The following CNNM2 variants were observed in gnomAD, a reference collection of about 807,000 sequenced individuals.
CNNM2 encodes cyclin and CBS domain divalent metal cation transport mediator 2, also known as metal transporter CNNM2.
A neutral mutation model predicts 66.9 loss-of-function variants in CNNM2; 12 were observed. That is an observed-to-expected ratio of 0.18 (90% CI 0.11 to 0.29). The LOEUF is 0.29. CNNM2 is among the 10% of genes least tolerant of loss of function. CNNM2 has a pLI of 1.00. For synonymous variants in CNNM2, 557 were observed against 501.8 expected (o/e 1.11, Z -1.47); for missense variants, 705 against 1,167.7 (o/e 0.60, Z 5.77).
At chr10:102,956,454 G>T (rs1054127256) in intron 1 of CNNM2, among the ~76,000 whole-genome samples, 1 of 152,122 alleles carries the variant, frequency 6.6e-6, no homozygotes, top group Admixed American at 6.6e-5. Flanking sequence ...GTTTGACCCA[G>T]CAATCCCATT....
chr10:102,981,273 C>T (rs1157716294), intron 1 of CNNM2, among the ~76,000 whole-genome samples: 1 of 151,992 alleles, frequency 6.6e-6, no homozygotes, highest in Non-Finnish European at 1.5e-5. Context: ...TCACCTGAGT[C>T]CGGGAGGTTG....
At chr10:102,962,240 G>C (rs7908629) in intron 1 of CNNM2, among the ~76,000 whole-genome samples, 2,328 of 152,208 alleles carry the variant, frequency 0.015, 53 homozygotes, top group African/African-American at 0.054. Context: ...TAAGGTGATG[G>C]GTTGATTTGT....
At chr10:103,013,750 G>A (rs958652886) in intron 1 of CNNM2, among the ~76,000 whole-genome samples, 1 of 152,200 alleles carries the variant, frequency 6.6e-6, no homozygotes, top group Admixed American at 6.5e-5. Flanking sequence ...AAATAAAAAG[G>A]GTGCCTAGAT....
intron 1 of CNNM2, among the ~76,000 whole-genome samples, chr10:102,937,733 CAGAT>C (rs1032131087): frequency 6.6e-6 from 1 of 152,082 alleles, no homozygotes; most frequent in Admixed American, 6.6e-5. Flanking sequence ...TATTCTCAGA[CAGAT>C]AAACAGATGT....
At chr10:102,960,743 C>T in intron 1 of CNNM2, among the ~76,000 whole-genome samples, 1 of 151,190 alleles carries the variant, frequency 6.6e-6, no homozygotes, top group East Asian at 1.9e-4. Flanking sequence ...CCTCAGCCTC[C>T]CGAGTAGCTG....
chr10:102,970,561 T>C (rs1156348127), intron 1 of CNNM2, among the ~76,000 whole-genome samples: 1 of 152,160 alleles, frequency 6.6e-6, no homozygotes, highest in African/African-American at 2.4e-5. Context: ...TGTTGCCTAT[T>C]CTCAGAAAAA....
chr10:103,058,874 A>G (rs1359207415), intron 4 of CNNM2, among the ~76,000 whole-genome samples: 3 of 152,240 alleles, frequency 2.0e-5, no homozygotes, highest in African/African-American at 7.2e-5. Context: ...ATCATTAACA[A>G]AGCATATTCT....
chr10:102,993,352 G>T (rs1218214544), intron 1 of CNNM2, among the ~76,000 whole-genome samples: 1 of 152,142 alleles, frequency 6.6e-6, no homozygotes, highest in Non-Finnish European at 1.5e-5. Context: ...CTGAATTTTT[G>T]TGGGAAGAAG....
At chr10:103,026,305 A>C (rs891624478) in intron 1 of CNNM2, among the ~76,000 whole-genome samples, 3 of 152,220 alleles carry the variant, frequency 2.0e-5, no homozygotes, top group Admixed American at 2.0e-4. Context: ...CAAATGTCAT[A>C]AATATTTTTG....
At chr10:102,920,300 G>A (rs1294259203) in intron 1 of CNNM2, among the ~76,000 whole-genome samples, 199 bp downstream of exon 1, 5 of 152,162 alleles carry the variant, frequency 3.3e-5, no homozygotes, top group Non-Finnish European at 5.9e-5. Flanking sequence ...TTATTTTAAA[G>A]CACAAGACTG....
rs1489335944 is a variant in CNNM2 at position 102,990,551 on chromosome 10, G to A, written c.1622-59156G>A. Among the ~76,000 whole-genome samples the A allele has an allele frequency of 2.0e-5, 3 of 152,124 alleles. No individual in the cohort carries two copies. The East Asian group carries it at 5.8e-4, about 29-fold the overall frequency. ...TAGTGTAGTTCCCAATAGGCATTAA[G>A]TAGGAGAATTCTAACTTTAAGCTAT... On this transcript the variant is annotated intron_variant, in intron 1 of 7. Transcript: ENST00000369878.
Position 103,049,735 on chromosome 10 carries a change from G to T in CNNM2, c.1650G>T (p.Arg550=). ...AATCTCACCTGGCTATCGTGCAGCG[G>T]GTAAACAATGAGGGAGAAGGGGATC... is the stretch of plus-strand genomic sequence containing the variant. ...KGKSHLAIVQ[R]VNNEGEGDPF... The change falls in exon 2 of 8, where the codon CGG becomes CGT. Residue 550 remains arginine (R), a synonymous_variant. Transcript: ENST00000369878. The T allele has an allele frequency of 6.2e-7, 1 of 1,613,900 alleles. No individual in the cohort carries two copies. Among genetic ancestry groups the T allele is most frequent in the Non-Finnish European group, 8.5e-7 (1 of 1,179,858 alleles).
intron 1 of CNNM2, among the ~76,000 whole-genome samples, chr10:103,006,141 C>T (rs949349500): frequency 1.3e-5 from 2 of 152,030 alleles, no homozygotes; most frequent in African/African-American, 4.8e-5. Flanking sequence ...TCTTATTTCC[C>T]ATTGCAGGGG....
At chr10:103,055,289 T>C (rs757247479) in intron 3 of CNNM2, among the ~76,000 whole-genome samples, 2 of 152,230 alleles carry the variant, frequency 1.3e-5, no homozygotes, top group Non-Finnish European at 2.9e-5. Context: ...GCCTTTCATC[T>C]GCATGCAGTA....
At chr10:103,059,838 T>C (rs2065354644) in intron 4 of CNNM2, among the ~76,000 whole-genome samples, 2 of 152,278 alleles carry the variant, frequency 1.3e-5, no homozygotes. Flanking sequence ...AAGAGAAATA[T>C]ACTTTCGAAA....
intron 1 of CNNM2, among the ~76,000 whole-genome samples, chr10:102,999,132 G>A (rs1210982525): frequency 1.3e-5 from 2 of 150,672 alleles, no homozygotes; most frequent in African/African-American, 4.9e-5. Context: ...GTGTAGTGGC[G>A]CGATCTTGGC....
At chr10:103,004,724 A>G (rs1252790256) in intron 1 of CNNM2, among the ~76,000 whole-genome samples, 2 of 152,256 alleles carry the variant, frequency 1.3e-5, no homozygotes, top group African/African-American at 4.8e-5. Context: ...ACAGCAGTGC[A>G]TGAGATTCCT....
At chr10:103,028,426 A>G (rs1039340123) in intron 1 of CNNM2, among the ~76,000 whole-genome samples, 6 of 152,228 alleles carry the variant, frequency 3.9e-5, no homozygotes, top group African/African-American at 1.4e-4. Flanking sequence ...TCTTGAAGAC[A>G]TTCTCAAGCA....
At chr10:102,935,774 C>CTTTTT (rs34196326) in intron 1 of CNNM2, among the ~76,000 whole-genome samples, 22 of 78,006 alleles carry the variant, frequency 2.8e-4, no homozygotes, top group East Asian at 4.0e-4. Flanking sequence ...CTGCACCTGG[C>CTTTTT]TTTTTTTTTT....
Sources: gnomAD v4.1 joint callset for allele counts (sites outside exome capture counted in the v4.1 genomes callset) on GRCh38, gnomAD v4.1.1 for gene constraint, MANE v1.5 for transcripts, NCBI Gene and HGNC (gene_info 2026-07-23, HGNC 2026-07-21) for gene names.